Variants in B3GALNT2 observed in about 807,000 individuals in gnomAD.
B3GALNT2 encodes UDP-GalNAc:beta-1,3-N-acetylgalactosaminyltransferase 2.
A neutral mutation model predicts 61.1 loss-of-function variants in B3GALNT2; 53 were observed. The observed-to-expected ratio is 0.87, with a 90% CI of 0.70 to 1.09. The LOEUF (loss-of-function observed/expected upper bound fraction) is 1.09, where lower values mean the gene tolerates loss of function less well. Among genes scored for constraint, B3GALNT2 ranks in the 50% least tolerant of loss-of-function variants. The pLI is 0.00. For synonymous variants in B3GALNT2, 223 were observed against 237.4 expected (o/e 0.94, Z 0.56); for missense variants, 544 against 623.0 (o/e 0.87, Z 1.35).
chr1:235,504,151 G>A lies in B3GALNT2; in HGVS notation c.102C>T (p.Ala34=), dbSNP rs1358930332. ...RSPPPACASG[A]GPADQLALFP... ...GCCCCAGGACCTCACCTGCAGGGCC[G>A]GCCCCGGAGGCGCAGGCGGGCGGCG... is the stretch of plus-strand genomic sequence containing the variant. The change falls in exon 1 of 12, where the codon GCC becomes GCT. Residue 34 remains alanine, a synonymous_variant. Transcript: ENST00000366600. 2 of 1,260,412 alleles carry A rather than the reference G, an allele frequency of 1.6e-6. No individual in the cohort carries two copies. The highest frequency in any genetic ancestry group is 9.9e-7 in the Non-Finnish European group (1 of 1,006,470). 78.1% of individuals were successfully genotyped at this position (1,260,412 alleles called of 1,614,324 possible).
chr1:235,473,192 C>G (rs1292665843), intron 5 of B3GALNT2, among the ~76,000 whole-genome samples: 1 of 152,220 alleles, frequency 6.6e-6, no homozygotes, highest in East Asian at 1.9e-4. Context: ...GGATTACGGG[C>G]GTGAGCCACC....
chr1:235,488,900 A>G (rs185747793), intron 3 of B3GALNT2, among the ~76,000 whole-genome samples: 99 of 151,980 alleles, frequency 6.5e-4, no homozygotes, highest in Non-Finnish European at 1.1e-3. Context: ...CAAAAAATTT[A>G]AAAAATTAGC....
chr1:235,454,886 T>C (rs1447420259), intron 9 of B3GALNT2, among the ~76,000 whole-genome samples: 2 of 152,224 alleles, frequency 1.3e-5, no homozygotes, highest in Admixed American at 6.5e-5. Context: ...TGTTTTAGTA[T>C]ATATGAAAAC....
Position 235,449,488 on chromosome 1 carries a change from A to ACTT in B3GALNT2, c.*715_*717dup, listed in dbSNP as rs1329490400. 2.0e-5 allele frequency: 3 copies of ACTT among 152,726 alleles called. No individual in the cohort carries two copies. The highest frequency in any genetic ancestry group is 7.2e-5 in the African/African-American group (3 of 41,448). The allele number at this position is 152,726 out of a possible 1,614,324, so 9.5% of individuals were successfully genotyped here. On this transcript the variant is annotated 3_prime_UTR_variant, in exon 12 of 12. Coordinates refer to ENST00000366600, the MANE Select transcript of B3GALNT2 (RefSeq NM_152490.5). ...ATTTGCTTTTATTCATACTCACACA[A>ACTT]CTTTAGCATTTAAAAACTATGAGTA...
chr1:235,499,831 G>T (rs1231294128), intron 1 of B3GALNT2, among the ~76,000 whole-genome samples: 1 of 152,146 alleles, frequency 6.6e-6, no homozygotes, highest in Non-Finnish European at 1.5e-5. Flanking sequence ...TTTCCTACTG[G>T]GTATGGGATA....
chr1:235,495,289 A>G (rs1335104292), intron 1 of B3GALNT2, among the ~76,000 whole-genome samples: 2 of 152,204 alleles, frequency 1.3e-5, no homozygotes, highest in Admixed American at 1.3e-4. Context: ...ATTAAATGAG[A>G]TAACATGTAT....
chr1:235,440,608 G>A, the B3GALNT2 span, among the ~76,000 whole-genome samples: 2 of 151,290 alleles, frequency 1.3e-5, no homozygotes, highest in Non-Finnish European at 2.9e-5. Context: ...TGGCCAGGCT[G>A]GTCTCAAACT....
intron 6 of B3GALNT2, among the ~76,000 whole-genome samples, chr1:235,468,312 G>A (rs1457863148): frequency 1.3e-5 from 2 of 151,972 alleles, no homozygotes; most frequent in African/African-American, 2.4e-5. Context: ...GCTTTAAAAA[G>A]TTACCTGGTT....
chr1:235,460,454 T>TA (rs35687101), intron 7 of B3GALNT2, among the ~76,000 whole-genome samples: 1,501 of 136,574 alleles, frequency 0.011, 8 homozygotes, highest in Middle Eastern at 0.046. Flanking sequence ...ATGTTTTATT[T>TA]AAAAAAAAAA....
chr1:235,480,080 G>C lies in B3GALNT2; in HGVS notation c.625C>G (p.Pro209Ala), dbSNP rs769695137. 6.2e-7 allele frequency: 1 copy of C among 1,613,922 alleles called. No homozygotes were observed. The highest frequency in any genetic ancestry group is 1.7e-5 in the Admixed American group (1 of 59,994). ...TCTGGTAAGATGAATTGTTCCACGG[G>C]CTTGTACCACAGCTTGTTCACCTGC... ...GVQVNKLWYK[P>A]VEQFILPESF... Residue 209 changes from proline (P) to alanine (A), a missense_variant, in exon 5 of 12, where the codon CCC becomes GCC. Physicochemically the swap from Pro to Ala is conservative, Grantham distance 27 (BLOSUM62 -1). Coordinates refer to ENST00000366600, the MANE Select transcript of B3GALNT2 (RefSeq NM_152490.5).
chr1:235,504,223 C>G lies in B3GALNT2; in HGVS notation c.30G>C (p.Pro10=). The change falls in exon 1 of 12, where the codon CCG becomes CCC. Residue 10 remains proline (P), a synonymous_variant. Transcript: ENST00000366600. ...GGTGCAGCGCGGCCCCGAGCACACA[C>G]GGGCACAGCAGCACCAGCCAGTTTC... MRNWLVLLC[P]CVLGAALHLW... 6.8e-7 allele frequency: 1 copy of G among 1,474,726 alleles called. No individual in the cohort carries two copies. The allele number at this position is 1,474,726 out of a possible 1,614,324, so 91.4% of individuals were successfully genotyped here.
chr1:235,482,372 A>G (rs909158545), intron 4 of B3GALNT2, among the ~76,000 whole-genome samples: 14 of 152,082 alleles, frequency 9.2e-5, no homozygotes, highest in African/African-American at 3.1e-4. Context: ...ACATCAATTA[A>G]TAAAAGGCAT....
chr1:235,450,363 G>A (rs754486562), intron 11 of B3GALNT2, 23 bp from the exon 12 acceptor site: 7 of 1,611,934 alleles, frequency 4.3e-6, no homozygotes, highest in South Asian at 1.1e-5. Flanking sequence ...AACCAAAGCC[G>A]ATCTGAGAGT....
At chr1:235,441,647 C>A in the B3GALNT2 span, 1 of 630,300 alleles carries the variant, frequency 1.6e-6, no homozygotes, top group South Asian at 1.9e-5. Context: ...TGGAAGTGGT[C>A]GTTGTCCATC....
At chr1:235,504,074 C>A in intron 1 of B3GALNT2, 67 bp downstream of exon 1, 1 of 1,200,992 alleles carries the variant, frequency 8.3e-7, no homozygotes, top group South Asian at 4.2e-5. Context: ...CGGCGAAGCC[C>A]CGCGGCACCA....
intron 3 of B3GALNT2, among the ~76,000 whole-genome samples, chr1:235,486,536 C>T (rs772317257): frequency 1.2e-4 from 19 of 152,156 alleles, no homozygotes; most frequent in Non-Finnish European, 1.8e-4. Context: ...CACAGTATCA[C>T]GATGATTAAT....
At chr1:235,474,664 A>T (rs1028623851) in intron 5 of B3GALNT2, among the ~76,000 whole-genome samples, 4 of 151,634 alleles carry the variant, frequency 2.6e-5, no homozygotes, top group African/African-American at 7.3e-5. Flanking sequence ...TATTAAAAAT[A>T]AAAAAAATTA....
At chr1:235,461,293 A>G (rs779399013) in intron 7 of B3GALNT2, among the ~76,000 whole-genome samples, 1 of 152,190 alleles carries the variant, frequency 6.6e-6, no homozygotes. Flanking sequence ...GCTGGATTCA[A>G]TCAGTGATTC....
chr1:235,491,258 CTT>C (rs772635751), intron 2 of B3GALNT2, among the ~76,000 whole-genome samples: 15 of 152,182 alleles, frequency 9.9e-5, no homozygotes, highest in African/African-American at 2.9e-4. Context: ...CAACTACACT[CTT>C]TTGTTAACTG....
Sources: gnomAD v4.1 joint callset for allele counts (sites outside exome capture counted in the v4.1 genomes callset) on GRCh38, gnomAD v4.1.1 for gene constraint, MANE v1.5 for transcripts, NCBI Gene and HGNC (gene_info 2026-07-23, HGNC 2026-07-21) for gene names.